Variants in LRIG3 observed in about 807,000 individuals in gnomAD.
LRIG3 encodes leucine rich repeats and immunoglobulin like domains 3.
In LRIG3, 76 loss-of-function variants were observed where a neutral mutation model predicts 114.5. The ratio of observed to expected loss-of-function variants is 0.66; its 90% CI spans 0.55 to 0.80. The LOEUF (loss-of-function observed/expected upper bound fraction) is 0.80. LRIG3 is among the 30% of genes least tolerant of loss of function. The probability of loss-of-function intolerance (pLI) is 0.00; values close to 1 mark genes in which losing one functional copy is unlikely to be tolerated. For missense variants in LRIG3, 1,239 were observed against 1,382.8 expected (o/e 0.90, Z 1.65); for synonymous variants, 512 against 519.8 (o/e 0.98, Z 0.20).
chr12:58,919,488 G>A, intron 1 of LRIG3: 1 of 1,551,606 alleles, frequency 6.4e-7, no homozygotes, highest in East Asian at 2.4e-5. Context: ...ACCATAACTT[G>A]GAGAATGACC....
At chr12:58,912,893 T>C (rs1872338589) in intron 3 of LRIG3, among the ~76,000 whole-genome samples, 1 of 152,246 alleles carries the variant, frequency 6.6e-6, no homozygotes, top group Non-Finnish European at 1.5e-5. Context: ...ACAGTGTTTA[T>C]TTGTCAAATA....
chr12:58,890,323 A>C (rs765760806), intron 4 of LRIG3, among the ~76,000 whole-genome samples, 184 bp from the exon 5 acceptor site: 12 of 152,242 alleles, frequency 7.9e-5, no homozygotes, highest in Admixed American at 4.6e-4. Context: ...AAGAGTGATT[A>C]AAATATGTGA....
chr12:58,881,379 A>G (rs750060034), intron 12 of LRIG3, among the ~76,000 whole-genome samples: 117 of 151,834 alleles, frequency 7.7e-4, no homozygotes, highest in Non-Finnish European at 1.5e-3. Context: ...TTCATTTACC[A>G]AAACAGAACC....
rs77325962 is a variant in LRIG3 at position 58,895,714 on chromosome 12, T to C, written c.384-4918A>G. The stretch of plus-strand genomic sequence containing the variant: ...GTACATTTTAGAATGGCTACTCTGA[T>C]GGCTGTGGGTGGAAAGACTGGGAGG... On this transcript the variant is annotated intron_variant, in intron 3 of 18. Coordinates refer to ENST00000320743, the MANE Select transcript of LRIG3 (RefSeq NM_153377.5). Among the ~76,000 whole-genome samples, 1,419 of 152,238 alleles carry C rather than the reference T, an allele frequency of 9.3e-3. 20 individuals carry two copies. The highest frequency in any genetic ancestry group is 0.031 in the African/African-American group (1,299 of 41,540).
At chr12:58,889,278 T>C (rs918258900) in intron 5 of LRIG3, among the ~76,000 whole-genome samples, 5 of 152,222 alleles carry the variant, frequency 3.3e-5, no homozygotes, top group African/African-American at 1.2e-4. Context: ...ATGAGATTAT[T>C]AAATGTTACA....
chr12:58,916,738 C>T (rs1470084003), intron 1 of LRIG3, among the ~76,000 whole-genome samples: 1 of 152,190 alleles, frequency 6.6e-6, no homozygotes, highest in African/African-American at 2.4e-5. Flanking sequence ...GTACCCAGAG[C>T]TCAGCTGGCC....
At chr12:58,888,594 T>C (rs1443144932) in intron 6 of LRIG3, 122 bp from the exon 7 acceptor site, 4 of 1,369,704 alleles carry the variant, frequency 2.9e-6, no homozygotes, top group East Asian at 2.5e-5. Context: ...GCTTTTGTTA[T>C]ATGAAGACGT....
chr12:58,920,091 T>A lies in LRIG3; in HGVS notation c.145A>T (p.Thr49Ser), dbSNP rs1872616951. The stretch of plus-strand genomic sequence containing the variant: ...AGGTCCCCGAGGCAGCGGCAGGTAG[T>A]GGGGCATGGGCGCTCGGCGGCTACC... The part of the protein sequence containing the change: ...SGVAAERPCP[T>S]TCRCLGDLLD... Residue 49 changes from threonine (T) to serine (S), a missense_variant, in exon 1 of 19, where the codon ACT (threonine) becomes TCT (serine). Coordinates refer to ENST00000320743, the MANE Select transcript of LRIG3 (RefSeq NM_153377.5). 6.4e-7 allele frequency: 1 copy of A among 1,555,060 alleles called. No homozygotes were observed. Among genetic ancestry groups the A allele is most frequent in the East Asian group, 2.4e-5 (1 of 42,038 alleles).
At chr12:58,902,195 C>T (rs1412333160) in intron 3 of LRIG3, among the ~76,000 whole-genome samples, 1 of 152,006 alleles carries the variant, frequency 6.6e-6, no homozygotes, top group African/African-American at 2.4e-5. Flanking sequence ...GAGTACTGTC[C>T]TCTATCCTAG....
intron 3 of LRIG3, among the ~76,000 whole-genome samples, chr12:58,904,162 A>T (rs1871975227): frequency 6.6e-6 from 1 of 152,112 alleles, no homozygotes; most frequent in Non-Finnish European, 1.5e-5. Context: ...CCAAAGAGAG[A>T]GGAGGTGGTA....
Position 58,883,576 on chromosome 12 carries a change from G to A in LRIG3, c.1260C>T (p.Asn420=), listed in dbSNP as rs1353929303. The A allele has an allele frequency of 3.2e-6, 5 of 1,546,892 alleles. No homozygotes were observed. The highest frequency in any genetic ancestry group is 2.3e-5 in the East Asian group (1 of 43,726). ...CATTGCCTTGTAAAGACATGATTGC[G>A]TTGTCACTCAGGTCTCTGAAAAATC... ...DALEHLDLSD[N]AIMSLQGNAF... is the part of the protein sequence containing the mutation. The change falls in exon 11 of 19, where the codon AAC becomes AAT. Residue 420 remains asparagine (N), a synonymous_variant. Coordinates refer to ENST00000320743, the MANE Select transcript of LRIG3 (RefSeq NM_153377.5).
intron 11 of LRIG3, 124 bp downstream of exon 11, chr12:58,883,395 TA>T: frequency 1.7e-6 from 1 of 595,120 alleles, no homozygotes; most frequent in Non-Finnish European, 2.7e-6. Flanking sequence ...TTGCCTAGTA[TA>T]AAAATTAAGT....
At position 58,885,840 on chromosome 12, in the gene LRIG3, A is replaced by G; in HGVS notation, c.1235T>C (p.Leu412Ser). 1 of 1,583,656 alleles carries G rather than the reference A, an allele frequency of 6.3e-7. No homozygotes were observed. Among genetic ancestry groups the G allele is most frequent in the Non-Finnish European group, 8.6e-7 (1 of 1,160,568 alleles). The part of the protein sequence containing the change: ...TKKAFTGLDA[L>S]EHLDLSDNAI... ...AATTCTAGCTACTCACAGATGCTCC[A>G]ATGCATCCAAACCAGTGAAGGCTTT... The change falls in exon 10 of 19, where the codon TTG (leucine) becomes TCG (serine). Residue 412 changes from leucine to serine, a missense_variant. By Grantham distance (145) the Leu-to-Ser change is moderately radical (BLOSUM62 -2). Transcript: ENST00000320743.
At position 58,920,059 on chromosome 12, in the gene LRIG3, G is replaced by T; in HGVS notation, c.177C>A (p.Asp59Glu). 6.4e-7 allele frequency: 1 copy of T among 1,555,910 alleles called. No homozygotes were observed. Among genetic ancestry groups the T allele is most frequent in the Non-Finnish European group, 8.7e-7 (1 of 1,149,994 alleles). Residue 59 changes from aspartate (D) to glutamate (E), a missense_variant, in exon 1 of 19, where the codon GAC becomes GAA. Asp to Glu is a conservative substitution (Grantham distance 45). Coordinates refer to ENST00000320743, the MANE Select transcript of LRIG3 (RefSeq NM_153377.5). ...TTCRCLGDLL[D>E]CSRKRLARLP... ...GACGCGCTAGCCGCTTACGACTGCAGTCCAGCAGGTCCCCGAGGCAGCGGC... is the reference window on the plus strand; with the variant it reads ...GACGCGCTAGCCGCTTACGACTGCATTCCAGCAGGTCCCCGAGGCAGCGGC...
At chr12:58,890,571 AG>A in intron 4 of LRIG3, 93 bp downstream of exon 4, 3 of 1,156,772 alleles carry the variant, frequency 2.6e-6, no homozygotes, top group Non-Finnish European at 3.5e-6. Flanking sequence ...TCAATCCATC[AG>A]TAGTAAAGTA....
chr12:58,893,895 C>CATTTATA (rs1871542380), intron 3 of LRIG3, among the ~76,000 whole-genome samples: 1 of 152,096 alleles, frequency 6.6e-6, no homozygotes, highest in African/African-American at 2.4e-5. Flanking sequence ...AGTATAGCTA[C>CATTTATA]GCTTGTATTT....
At position 58,888,492 on chromosome 12, in the gene LRIG3, C is replaced by G. The variant is rs1469872504; in HGVS notation, c.804-20G>C. 6.2e-7 allele frequency: 1 copy of G among 1,609,464 alleles called. No homozygotes were observed. Among genetic ancestry groups the G allele is most frequent in the East Asian group, 2.2e-5 (1 of 44,776 alleles). Reference sequence around the variant, plus strand: ...AGCTGCCTACATTTACAGTAAGAATCAAAAGCAGGATCAAAACTTCATTAT... The same window carrying G: ...AGCTGCCTACATTTACAGTAAGAATGAAAAGCAGGATCAAAACTTCATTAT... On this transcript the variant is annotated intron_variant, in intron 6 of 18. Coordinates refer to ENST00000320743, the MANE Select transcript of LRIG3 (RefSeq NM_153377.5).
chr12:58,918,582 T>C (rs888310267), intron 1 of LRIG3, among the ~76,000 whole-genome samples: 1 of 152,234 alleles, frequency 6.6e-6, no homozygotes, highest in Non-Finnish European at 1.5e-5. Context: ...CTCATCCCTC[T>C]ATTATTCCTA....
chr12:58,912,495 CA>C (rs201463898), intron 3 of LRIG3, among the ~76,000 whole-genome samples: 2,230 of 143,990 alleles, frequency 0.015, 38 homozygotes, highest in East Asian at 0.09. Flanking sequence ...GACTCTGTCT[CA>C]AAAAAAAAAA....
Sources: allele counts gnomAD v4.1 joint callset (sites outside exome capture counted in the v4.1 genomes callset), GRCh38; gene constraint gnomAD v4.1.1; transcripts MANE v1.5; gene names NCBI Gene and HGNC (gene_info 2026-07-23, HGNC 2026-07-21).